ZNF76: variants seen among roughly 807,000 people sequenced by gnomAD.
ZNF76 encodes zinc finger protein 76.
A neutral mutation model predicts 66.9 loss-of-function variants in ZNF76; 66 were observed. The ratio of observed to expected loss-of-function variants is 0.99; its 90% confidence interval spans 0.81 to 1.21. ZNF76 has a LOEUF of 1.21. Among genes scored for constraint, ZNF76 ranks in the 50% most tolerant of loss-of-function variants. The pLI is 0.00. For missense variants in ZNF76, 729 were observed against 760.3 expected (o/e 0.96, Z 0.48); for synonymous variants, 275 against 296.1 (o/e 0.93, Z 0.73).
Position 35,291,368 on chromosome 6 carries a change from C to T in ZNF76, c.716C>T (p.Ser239Leu), listed in dbSNP as rs974250747. 5.6e-6 allele frequency: 9 copies of T among 1,614,030 alleles called. No homozygotes were observed. Among genetic ancestry groups the T allele is most frequent in the Non-Finnish European group, 6.8e-6 (8 of 1,180,026 alleles). The part of the protein sequence containing the change: ...EELCSKAFKT[S>L]GDLQKHVRTH... The stretch of plus-strand genomic sequence containing the variant: ...CTGTGCAGCAAGGCCTTCAAGACCT[C>T]AGGAGACCTGCAGAAGCATGTCCGT... Residue 239 changes from serine to leucine, a missense_variant, in exon 8 of 14, where the codon TCA becomes TTA. Coordinates refer to ENST00000373953, the MANE Select transcript of ZNF76 (RefSeq NM_003427.5).
rs1461466510 is a variant in ZNF76 at position 35,292,883 on chromosome 6, G to A, written c.1168G>A (p.Ala390Thr). Residue 390 changes from alanine (A) to threonine (T), a missense_variant and splice_region_variant, in exon 11 of 14, where the codon GCC becomes ACC. Coordinates refer to ENST00000373953, the MANE Select transcript of ZNF76 (RefSeq NM_003427.5). The surrounding 1 kb of genome is among the most constrained non-coding windows in gnomAD (Gnocchi z 4.7). ...ALYEQQQLEA[A>T]SAAEESPPPK... is the part of the protein sequence containing the mutation. ...CAGCCTTGGCTCTCCTCTCCCAGCC[G>A]CCTCTGCAGCCGAGGAGAGTCCGCC... The A allele has an allele frequency of 3.1e-6, 5 of 1,614,158 alleles. No homozygotes were observed. Among genetic ancestry groups the A allele is most frequent in the East Asian group, 2.2e-5 (1 of 44,882 alleles).
Position 35,292,861 on chromosome 6 carries a change from C to T in ZNF76, c.1166-20C>T. The stretch of plus-strand genomic sequence containing the variant: ...CATGGCATCTGGTAGCAGATGTCAG[C>T]CTTGGCTCTCCTCTCCCAGCCGCCT... On this transcript the variant is annotated intron_variant, in intron 10 of 13. Coordinates refer to ENST00000373953, the MANE Select transcript of ZNF76 (RefSeq NM_003427.5). The surrounding 1 kb of genome is among the most constrained non-coding windows in gnomAD (Gnocchi z 4.7). The T allele has an allele frequency of 6.2e-7, 1 of 1,613,986 alleles. No homozygotes were observed. The highest frequency in any genetic ancestry group is 1.7e-5 in the Admixed American group (1 of 60,020).
intron 1 of ZNF76, among the ~76,000 whole-genome samples, chr6:35,280,525 C>A (rs1013190953): frequency 1.9e-4 from 26 of 134,694 alleles, no homozygotes; most frequent in East Asian, 6.5e-4. Context: ...ATCCCCCCCC[C>A]CCCCGCCCTG....
At chr6:35,294,056 C>A in intron 12 of ZNF76, 141 bp downstream of exon 12, 1 of 1,005,642 alleles carries the variant, frequency 9.9e-7, no homozygotes, top group Non-Finnish European at 1.4e-6. Flanking sequence ...CCCCACAGTT[C>A]CTGGGCCATG....
At position 35,279,648 on chromosome 6, in the gene ZNF76, C is replaced by CA. The variant is rs1788459324; in HGVS notation, c.-96-1406dup. 3 of 151,938 alleles carry CA rather than the reference C, an allele frequency of 2.0e-5. No individual in the cohort carries two copies. The South Asian group carries it at 6.2e-4, about 32-fold the overall frequency. 9.4% of individuals were successfully genotyped at this position (151,938 alleles called of 1,614,324 possible). On this transcript the variant is annotated intron_variant, in intron 1 of 13. Transcript: ENST00000373953. ...TTCACCATGTTAGCCAGGATGGTCT[C>CA]AATCTCCTGACCTCGTGATCCACTG... is the stretch of plus-strand genomic sequence containing the variant.
chr6:35,292,724 C>G lies in ZNF76; in HGVS notation c.1102C>G (p.His368Asp). The G allele has an allele frequency of 6.2e-7, 1 of 1,614,096 alleles. No individual in the cohort carries two copies. The highest frequency in any genetic ancestry group is 1.3e-5 in the African/African-American group (1 of 75,054). The stretch of plus-strand genomic sequence containing the variant: ...CTTGGCCATGCACAAGCGCAGTGCC[C>G]ACGGCGAGCTGGAGGCCACGGAGGA... Reference protein sequence around the residue: ...STLAMHKRSAHGELEATEESE... With the variant: ...STLAMHKRSADGELEATEESE... The change falls in exon 10 of 14, where the codon CAC (histidine) becomes GAC (aspartate). Residue 368 changes from histidine (H) to aspartate (D), a missense_variant. His to Asp is a moderately conservative substitution (Grantham distance 81). Coordinates refer to ENST00000373953, the MANE Select transcript of ZNF76 (RefSeq NM_003427.5). The surrounding 1 kb of genome is among the most constrained non-coding windows in gnomAD (Gnocchi z 4.7).
chr6:35,295,108 C>CA, intron 13 of ZNF76, 36 bp from the exon 14 acceptor site: 1 of 1,540,084 alleles, frequency 6.5e-7, no homozygotes, highest in Non-Finnish European at 8.9e-7. Flanking sequence ...GGGAGGGTCT[C>CA]ACTGTCTCCT....
chr6:35,268,450 G>A lies in ZNF76; in HGVS notation c.-97+8609G>A, dbSNP rs138813830. ...AGGAGACATAGTCAACATCTACCAC[G>A]TAATGGAATGGGGAAATTTTGTCCT... is the stretch of plus-strand genomic sequence containing the variant. On this transcript the variant is annotated intron_variant, in intron 1 of 13. Coordinates refer to ENST00000373953, the MANE Select transcript of ZNF76 (RefSeq NM_003427.5). 1.6e-4 allele frequency among the ~76,000 whole-genome samples: 25 copies of A among 151,982 alleles called. 1 individual carries two copies. In the East Asian group the frequency reaches 4.1e-3, roughly 25 times the overall value.
intron 1 of ZNF76, among the ~76,000 whole-genome samples, chr6:35,268,134 T>C (rs1786429577): frequency 6.6e-6 from 1 of 152,234 alleles, no homozygotes; most frequent in African/African-American, 2.4e-5. Flanking sequence ...CATTCTTTGT[T>C]AGGTGCTAAT....
intron 2 of ZNF76, among the ~76,000 whole-genome samples, chr6:35,284,491 C>T (rs896270798): frequency 2.6e-5 from 4 of 151,570 alleles, no homozygotes; most frequent in Admixed American, 6.6e-5. Context: ...CTCCGCCTCC[C>T]GGGTTCAAGT....
chr6:35,293,164 A>G (rs1050580198), intron 11 of ZNF76, 120 bp downstream of exon 11: 25 of 1,260,354 alleles, frequency 2.0e-5, no homozygotes, highest in Non-Finnish European at 2.5e-5. Flanking sequence ...TTTAAGTTTT[A>G]TAGACTTCAG....
chr6:35,287,595 T>C lies in ZNF76; in HGVS notation c.233-51T>C, dbSNP rs767280043. The C allele has an allele frequency of 2.6e-6, 4 of 1,525,838 alleles. No individual in the cohort carries two copies. In the East Asian group the frequency reaches 9.1e-5, roughly 35 times the overall value. 94.5% of individuals were successfully genotyped at this position (1,525,838 alleles called of 1,614,324 possible). A position where few individuals can be genotyped will look rare whatever the true frequency, so the allele number is the denominator to read the frequency against. On this transcript the variant is annotated intron_variant, in intron 4 of 13. Transcript: ENST00000373953. The surrounding 1 kb of genome is among the most constrained non-coding windows in gnomAD (Gnocchi z 4.0). ...ATTAACTTAAAGCTAGGGTCCCAGC[T>C]GTATCTCTTCCCCTTGTGTGGCATC... is the stretch of plus-strand genomic sequence containing the variant.
chr6:35,293,890 G>A lies in ZNF76; in HGVS notation c.1469G>A (p.Ser490Asn), dbSNP rs753453866. 1 of 1,614,122 alleles carries A rather than the reference G, an allele frequency of 6.2e-7. No individual in the cohort carries two copies. The highest frequency in any genetic ancestry group is 8.5e-7 in the Non-Finnish European group (1 of 1,180,010). ...TSGTHTVTMV[S>N]ADGTQTQPVT... is the part of the protein sequence containing the mutation. ...GGCACACATACAGTCACCATGGTCA[G>A]CGCCGATGGCACCCAGACGCAGCCC... is the stretch of plus-strand genomic sequence containing the variant. Residue 490 changes from serine (S) to asparagine (N), a missense_variant, in exon 12 of 14, where the codon AGC becomes AAC. By Grantham distance (46) the Ser-to-Asn change is conservative. Coordinates refer to ENST00000373953, the MANE Select transcript of ZNF76 (RefSeq NM_003427.5).
At position 35,292,448 on chromosome 6, in the gene ZNF76, C is replaced by A. The variant is rs1012874320; in HGVS notation, c.932-106C>A. 1 of 1,164,588 alleles carries A rather than the reference C, an allele frequency of 8.6e-7. No homozygotes were observed. The allele number at this position is 1,164,588 out of a possible 1,614,324, so 72.1% of individuals were successfully genotyped here. ...AGAGTCTCAGGTCTCAGTCCCTCTCCCTCCCTCTGGCTCTCCCTTCACCAA... is the reference window on the plus strand; with the variant it reads ...AGAGTCTCAGGTCTCAGTCCCTCTCACTCCCTCTGGCTCTCCCTTCACCAA... On this transcript the variant is annotated intron_variant, in intron 9 of 13. Transcript: ENST00000373953. This position sits in a 1 kb window ranked among gnomAD's most constrained non-coding sequence, Gnocchi z 4.7.
chr6:35,268,020 T>C (rs1347459547), intron 1 of ZNF76, among the ~76,000 whole-genome samples: 1 of 152,210 alleles, frequency 6.6e-6, no homozygotes, highest in East Asian at 1.9e-4. Context: ...GGAGTTCAAC[T>C]TAGATATTAC....
chr6:35,292,442 C>T lies in ZNF76; in HGVS notation c.932-112C>T, dbSNP rs1790537740. ...CCATTCAGAGTCTCAGGTCTCAGTC[C>T]CTCTCCCTCCCTCTGGCTCTCCCTT... On this transcript the variant is annotated intron_variant, in intron 9 of 13. Coordinates refer to ENST00000373953, the MANE Select transcript of ZNF76 (RefSeq NM_003427.5). This position sits in a 1 kb window ranked among gnomAD's most constrained non-coding sequence, Gnocchi z 4.7. 6 of 1,078,492 alleles carry T rather than the reference C, an allele frequency of 5.6e-6. No individual in the cohort carries two copies. In the South Asian group the frequency reaches 7.3e-5, roughly 13 times the overall value. 66.8% of individuals were successfully genotyped at this position (1,078,492 alleles called of 1,614,324 possible). A position where few individuals can be genotyped will look rare whatever the true frequency, so the allele number is the denominator to read the frequency against.
Position 35,286,359 on chromosome 6 carries a change from G to T in ZNF76, c.192G>T (p.Leu64=), listed in dbSNP as rs781000096. 4 of 1,614,064 alleles carry T rather than the reference G, an allele frequency of 2.5e-6. No individual in the cohort carries two copies. The highest frequency in any genetic ancestry group is 2.5e-6 in the Non-Finnish European group (3 of 1,180,040). ...TTGAGGATGGTCAGCCTGTGCAGCT[G>T]GAAGATGGCAGCATGGCTTACATAC... ...LSFEDGQPVQ[L]EDGSMAYIHR... Residue 64 remains leucine, a synonymous_variant, in exon 4 of 14, where the codon CTG becomes CTT. Coordinates refer to ENST00000373953, the MANE Select transcript of ZNF76 (RefSeq NM_003427.5).
chr6:35,275,114 C>T (rs777193356), intron 1 of ZNF76, among the ~76,000 whole-genome samples: 9 of 151,790 alleles, frequency 5.9e-5, no homozygotes, highest in Non-Finnish European at 1.0e-4. Flanking sequence ...GAGATTGTGT[C>T]ATTGCACTCC....
At chr6:35,293,325 T>C (rs1790709238) in intron 11 of ZNF76, among the ~76,000 whole-genome samples, 1 of 152,208 alleles carries the variant, frequency 6.6e-6, no homozygotes, top group African/African-American at 2.4e-5. Flanking sequence ...GGATATGGGA[T>C]GTCCTTCTCA....
Sources: gnomAD v4.1 joint callset for allele counts (sites outside exome capture counted in the v4.1 genomes callset) on GRCh38, gnomAD v4.1.1 for gene constraint, Gnocchi (gnomAD v3.1) non-coding constraint, MANE v1.5 for transcripts, NCBI Gene and HGNC (gene_info 2026-07-23, HGNC 2026-07-21) for gene names.